EXOC6B: variants seen among roughly 807,000 people sequenced by gnomAD.
EXOC6B encodes exocyst complex component 6B.
A neutral mutation model predicts 113.5 loss-of-function variants in EXOC6B; 54 were observed. That is an observed-to-expected ratio of 0.48 (90% CI 0.38 to 0.60). The LOEUF (loss-of-function observed/expected upper bound fraction) is 0.60. EXOC6B is among the 20% of genes least tolerant of loss of function. The pLI, the probability that EXOC6B is intolerant of heterozygous loss-of-function variation, is 0.00. For synonymous variants in EXOC6B, 357 were observed against 339.0 expected (o/e 1.05, Z -0.58); for missense variants, 797 against 977.5 (o/e 0.82, Z 2.46).
At chr2:72,756,717 A>G (rs1323318342) in intron 1 of EXOC6B, among the ~76,000 whole-genome samples, 3 of 152,182 alleles carry the variant, frequency 2.0e-5, no homozygotes, top group Non-Finnish European at 2.9e-5. Flanking sequence ...TATTATCATC[A>G]TTTTGCACAT....
At chr2:72,645,238 A>C (rs2104370749) in intron 6 of EXOC6B, among the ~76,000 whole-genome samples, 1 of 152,328 alleles carries the variant, frequency 6.6e-6, no homozygotes, top group South Asian at 2.1e-4. Flanking sequence ...AAGAAGAACT[A>C]ACCATGCTAA....
At chr2:72,564,662 A>C (rs1704063993) in intron 7 of EXOC6B, among the ~76,000 whole-genome samples, 1 of 152,316 alleles carries the variant, frequency 6.6e-6, no homozygotes, top group African/African-American at 2.4e-5. Flanking sequence ...TTGCTTCCCA[A>C]AATTCAGAGA....
intron 18 of EXOC6B, among the ~76,000 whole-genome samples, chr2:72,380,767 A>G (rs909206548): frequency 1.3e-5 from 2 of 152,206 alleles, no homozygotes; most frequent in African/African-American, 4.8e-5. Context: ...ACTCTAGGTC[A>G]ATTTTGAAAA....
intron 1 of EXOC6B, among the ~76,000 whole-genome samples, chr2:72,821,085 A>G (rs1686556019): frequency 1.3e-5 from 2 of 152,154 alleles, no homozygotes; most frequent in East Asian, 3.8e-4. Flanking sequence ...AGGATATAGT[A>G]TTACAAATCA....
Position 72,575,638 on chromosome 2 carries a change from C to A in EXOC6B, c.700G>T (p.Val234Phe). ...CTACCTATTCTGGGTTGTTGCAAGACGATGTTATCCAGGTTTCTTTGCTGC... is the reference window on the plus strand; with the variant it reads ...CTACCTATTCTGGGTTGTTGCAAGAAGATGTTATCCAGGTTTCTTTGCTGC... ...AQQQRNLDNI[V>F]LQQPRIGSKR... The change falls in exon 7 of 22, where the codon GTC becomes TTC. Residue 234 changes from valine to phenylalanine, a missense_variant. Val to Phe is a conservative substitution (Grantham distance 50). Coordinates refer to ENST00000272427, the MANE Select transcript of EXOC6B (RefSeq NM_015189.3). The A allele has an allele frequency of 6.2e-7, 1 of 1,601,150 alleles. No individual in the cohort carries two copies.
intron 20 of EXOC6B, among the ~76,000 whole-genome samples, chr2:72,312,817 A>C (rs1375000448): frequency 2.0e-5 from 3 of 151,938 alleles, no homozygotes; most frequent in Non-Finnish European, 4.4e-5. Flanking sequence ...AAAAAAAACA[A>C]AAAACAAAGT....
At chr2:72,434,845 T>A (rs1315158994) in intron 18 of EXOC6B, among the ~76,000 whole-genome samples, 1 of 152,196 alleles carries the variant, frequency 6.6e-6, no homozygotes, top group East Asian at 1.9e-4. Context: ...GTTAATCTTT[T>A]CAAAAAACCA....
At chr2:72,734,016 C>T (rs1680800226) in intron 2 of EXOC6B, among the ~76,000 whole-genome samples, 1 of 152,152 alleles carries the variant, frequency 6.6e-6, no homozygotes, top group South Asian at 2.1e-4. Flanking sequence ...GTCTCACAGA[C>T]ATAAACACAC....
intron 6 of EXOC6B, among the ~76,000 whole-genome samples, chr2:72,615,607 C>G (rs1238030240): frequency 6.8e-6 from 1 of 147,042 alleles, no homozygotes; most frequent in Admixed American, 6.8e-5. Flanking sequence ...AAAAAAAAAC[C>G]ACTGTGTGGC....
At chr2:72,591,766 T>C (rs1705981978) in intron 6 of EXOC6B, among the ~76,000 whole-genome samples, 1 of 152,120 alleles carries the variant, frequency 6.6e-6, no homozygotes, top group Non-Finnish European at 1.5e-5. Flanking sequence ...TTTACAGTCA[T>C]TAATGTGTAA....
intron 11 of EXOC6B, among the ~76,000 whole-genome samples, chr2:72,507,326 G>A (rs1189511654): frequency 2.6e-5 from 4 of 151,996 alleles, no homozygotes; most frequent in Non-Finnish European, 5.9e-5. Flanking sequence ...GTCTCTTAAC[G>A]TATAAAATGG....
At chr2:72,740,688 C>T (rs1447797412) in intron 2 of EXOC6B, among the ~76,000 whole-genome samples, 1 of 152,154 alleles carries the variant, frequency 6.6e-6, no homozygotes. Context: ...ACAATGATAG[C>T]TTTTATCCAG....
chr2:72,497,178 T>C (rs918649870), intron 13 of EXOC6B, among the ~76,000 whole-genome samples: 1 of 151,948 alleles, frequency 6.6e-6, no homozygotes, highest in Non-Finnish European at 1.5e-5. Context: ...CTTGCTATGT[T>C]GTCCAGGATT....
chr2:72,814,671 G>C (rs1686117592), intron 1 of EXOC6B, among the ~76,000 whole-genome samples: 1 of 152,156 alleles, frequency 6.6e-6, no homozygotes, highest in Non-Finnish European at 1.5e-5. Context: ...GTCCTCTTGG[G>C]AGTTAACAGA....
chr2:72,414,636 T>C (rs933232631), intron 18 of EXOC6B, among the ~76,000 whole-genome samples: 1 of 152,204 alleles, frequency 6.6e-6, no homozygotes, highest in Admixed American at 6.5e-5. Flanking sequence ...ACTTTAGAAA[T>C]TAATGACCTT....
intron 6 of EXOC6B, among the ~76,000 whole-genome samples, chr2:72,697,101 T>TATATAG (rs1558926980): frequency 9.5e-6 from 1 of 105,324 alleles, no homozygotes; most frequent in Non-Finnish European, 2.0e-5. Flanking sequence ...ATGATTTTTA[T>TATATAG]ATACAGATAT....
intron 18 of EXOC6B, among the ~76,000 whole-genome samples, chr2:72,404,833 C>T (rs1408777733): frequency 6.6e-6 from 1 of 152,154 alleles, no homozygotes; most frequent in African/African-American, 2.4e-5. Context: ...AGCTCCTCAC[C>T]AGCAATGGAA....
At chr2:72,667,672 T>C (rs963101493) in intron 6 of EXOC6B, among the ~76,000 whole-genome samples, 3 of 152,208 alleles carry the variant, frequency 2.0e-5, no homozygotes, top group Admixed American at 6.5e-5. Context: ...GTTACCCATA[T>C]GCAGAAGAAT....
At chr2:72,406,532 A>G (rs1017101725) in intron 18 of EXOC6B, among the ~76,000 whole-genome samples, 1 of 152,176 alleles carries the variant, frequency 6.6e-6, no homozygotes, top group Admixed American at 6.5e-5. Flanking sequence ...TCAAACTAGA[A>G]CTCAGGATTA....
Sources: allele counts gnomAD v4.1 joint callset (sites outside exome capture counted in the v4.1 genomes callset), GRCh38; gene constraint gnomAD v4.1.1; transcripts MANE v1.5; gene names NCBI Gene and HGNC (gene_info 2026-07-23, HGNC 2026-07-21).